The following ACCSL variants were observed in gnomAD, a reference collection of about 807,000 sequenced individuals.
The protein encoded by ACCSL is probable inactive 1-aminocyclopropane-1-carboxylate synthase-like protein 2.
Under a neutral mutation model 61.7 loss-of-function variants are expected in ACCSL, and 55 were observed. The observed-to-expected ratio is 0.89, with a 90% confidence interval of 0.72 to 1.12. ACCSL has a LOEUF of 1.12. Among genes scored for constraint, ACCSL ranks in the 50% most tolerant of loss-of-function variants. The probability of loss-of-function intolerance (pLI) is 0.00; values close to 1 mark genes in which losing one functional copy is unlikely to be tolerated. For synonymous variants in ACCSL, 258 were observed against 264.3 expected (o/e 0.98, Z 0.23); for missense variants, 632 against 698.0 (o/e 0.91, Z 1.07).
the ACCSL span, among the ~76,000 whole-genome samples, chr11:43,954,056 G>A: frequency 1.3e-5 from 2 of 152,146 alleles, no homozygotes; most frequent in African/African-American, 4.8e-5. Context: ...GACTTGTCGT[G>A]CAGTTTCTAT....
At chr11:43,988,718 G>C in the ACCSL span, among the ~76,000 whole-genome samples, 3 of 151,872 alleles carry the variant, frequency 2.0e-5, no homozygotes, top group Admixed American at 6.6e-5. Flanking sequence ...GAAGAAACAG[G>C]CTGCAGGGCA....
chr11:43,940,348 G>A, the ACCSL span, among the ~76,000 whole-genome samples: 1 of 151,122 alleles, frequency 6.6e-6, no homozygotes, highest in African/African-American at 2.4e-5. Flanking sequence ...CCCTTAGAAT[G>A]AAATTATATC....
At chr11:43,947,305 GC>G in the ACCSL span, 1 of 152,480 alleles carries the variant, frequency 6.6e-6, no homozygotes. Flanking sequence ...TTCTGACCAG[GC>G]CCCGCCTCCA....
chr11:44,058,482 G>A, intron 12 of ACCSL, 23 bp downstream of exon 12: 2 of 1,614,168 alleles, frequency 1.2e-6, no homozygotes, highest in Middle Eastern at 1.6e-4. Flanking sequence ...AATGAGGACA[G>A]GTGTTCTTGG....
the ACCSL span, among the ~76,000 whole-genome samples, chr11:43,961,422 G>A: frequency 6.6e-5 from 10 of 152,064 alleles, no homozygotes; most frequent in Non-Finnish European, 1.3e-4. Context: ...CGATTGATGG[G>A]CCCATGAGAC....
At chr11:44,007,416 C>T in the ACCSL span, among the ~76,000 whole-genome samples, 2 of 152,324 alleles carry the variant, frequency 1.3e-5, no homozygotes, top group South Asian at 4.1e-4. Context: ...GAAGCCATTG[C>T]TTCTGGGAAG....
chr11:44,052,893 C>T lies in ACCSL; in HGVS notation c.871-98C>T, dbSNP rs1046262118. ...GGGGTGGAGAAGGCATGTGGACTGGCACTCTGGTATGAAGGCAAAGGATTG... is the reference window on the plus strand; with the variant it reads ...GGGGTGGAGAAGGCATGTGGACTGGTACTCTGGTATGAAGGCAAAGGATTG... On this transcript the variant is annotated intron_variant, in intron 6 of 13. Transcript: ENST00000378832. The T allele has an allele frequency of 2.1e-6, 3 of 1,454,010 alleles. No homozygotes were observed. The African/African-American group carries it at 4.2e-5, about 20-fold the overall frequency. 90.1% of individuals were successfully genotyped at this position (1,454,010 alleles called of 1,614,324 possible).
At chr11:43,942,715 T>TCCGC in the ACCSL span, 36 of 141,410 alleles carry the variant, frequency 2.5e-4, 2 homozygotes, top group South Asian at 5.7e-3. Context: ...CCCCGACGGG[T>TCCGC]CCGCCCGCCC....
the ACCSL span, among the ~76,000 whole-genome samples, chr11:43,968,636 G>A: frequency 1.3e-5 from 2 of 152,188 alleles, no homozygotes; most frequent in African/African-American, 4.8e-5. Context: ...CAGGGATTGT[G>A]AATTCAGGCT....
chr11:43,964,436 CA>C, the ACCSL span, among the ~76,000 whole-genome samples: 7,389 of 77,108 alleles, frequency 0.096, 391 homozygotes, highest in Admixed American at 0.29. Context: ...GACATTGTCT[CA>C]AAAAAAAAAA....
chr11:44,000,624 T>A, the ACCSL span, among the ~76,000 whole-genome samples: 1 of 141,774 alleles, frequency 7.1e-6, no homozygotes, highest in Non-Finnish European at 1.5e-5. Context: ...CAGCCCCCTG[T>A]CTCTATTAAA....
the ACCSL span, among the ~76,000 whole-genome samples, chr11:43,986,239 T>G: frequency 6.6e-6 from 1 of 151,762 alleles, no homozygotes; most frequent in Non-Finnish European, 1.5e-5. Context: ...TGACATCATC[T>G]CTCATCATGA....
the ACCSL span, among the ~76,000 whole-genome samples, chr11:44,003,891 C>T: frequency 2.0e-5 from 3 of 152,122 alleles, no homozygotes; most frequent in Admixed American, 1.3e-4. Flanking sequence ...TAGGGGGTAC[C>T]TCACTTGGAG....
chr11:44,052,974 T>C lies in ACCSL; in HGVS notation c.871-17T>C. On this transcript the variant is annotated splice_polypyrimidine_tract_variant and intron_variant, in intron 6 of 13. Transcript: ENST00000378832. The stretch of plus-strand genomic sequence containing the variant: ...TAGATTTTAAGAGACACTTCTCACA[T>C]AGTGTTTCTCTTCCAGGTCACTGTT... 6.2e-7 allele frequency: 1 copy of C among 1,607,098 alleles called. No individual in the cohort carries two copies. The highest frequency in any genetic ancestry group is 1.1e-5 in the South Asian group (1 of 90,932).
chr11:43,957,760 A>G, the ACCSL span, among the ~76,000 whole-genome samples: 3 of 152,192 alleles, frequency 2.0e-5, no homozygotes, highest in African/African-American at 7.2e-5. Flanking sequence ...TGTCAGTCTT[A>G]TGATCTGTTT....
the ACCSL span, among the ~76,000 whole-genome samples, chr11:43,946,832 A>G: frequency 2.6e-5 from 4 of 151,822 alleles, no homozygotes; most frequent in African/African-American, 9.7e-5. Context: ...AGAGGGAGGG[A>G]GTTTGGGATG....
At chr11:43,947,733 C>A in the ACCSL span, among the ~76,000 whole-genome samples, 1 of 93,770 alleles carries the variant, frequency 1.1e-5, no homozygotes, top group Admixed American at 1.3e-4. Flanking sequence ...GACACTGAGA[C>A]AGTGAAAGAG....
At chr11:44,052,193 A>T (rs2134769648) in intron 5 of ACCSL, among the ~76,000 whole-genome samples, 1 of 152,388 alleles carries the variant, frequency 6.6e-6, no homozygotes, top group South Asian at 2.1e-4. Context: ...GTGCTAAGAT[A>T]GTCCCTTTCC....
the ACCSL span, chr11:43,926,604 C>T: frequency 6.1e-6 from 2 of 328,476 alleles, no homozygotes; most frequent in Non-Finnish European, 1.2e-5. Flanking sequence ...GAAGTAAACC[C>T]ATGTGGCTTC....
Sources: allele counts gnomAD v4.1 joint callset (sites outside exome capture counted in the v4.1 genomes callset), GRCh38; gene constraint gnomAD v4.1.1; transcripts MANE v1.5; gene names NCBI Gene and HGNC (gene_info 2026-07-23, HGNC 2026-07-21).